Variants in LAMA3 observed in about 807,000 individuals in gnomAD.
LAMA3 encodes laminin subunit alpha-3.
A neutral mutation model predicts 402.0 loss-of-function variants in LAMA3; 281 were observed. That is an observed-to-expected ratio of 0.70 (90% CI 0.63 to 0.77). The LOEUF is 0.77. LAMA3 is among the 30% of genes least tolerant of loss of function. The probability of loss-of-function intolerance (pLI) is 0.00; values close to 1 mark genes in which losing one functional copy is unlikely to be tolerated. For synonymous variants in LAMA3, 1,431 were observed against 1,558.4 expected, an observed-to-expected ratio of 0.92 and a Z score of 1.93; for missense variants, 3,840 against 4,215.5, an observed-to-expected ratio of 0.91 and a Z score of 2.47.
chr18:23,952,948 G>A (rs1476324055), intron 73 of LAMA3, 42 bp from the exon 74 acceptor site: 2 of 1,612,882 alleles, frequency 1.2e-6, no homozygotes. Flanking sequence ...ATTAAGCAGG[G>A]CTCACCTCCG....
intron 2 of LAMA3, among the ~76,000 whole-genome samples, chr18:23,722,064 G>A (rs181358157): frequency 6.6e-6 from 1 of 152,288 alleles, no homozygotes; most frequent in Admixed American, 6.5e-5. Flanking sequence ...CTAGCCCTTA[G>A]ACTTTTTGCC....
intron 12 of LAMA3, among the ~76,000 whole-genome samples, chr18:23,784,715 C>T (rs775844784): frequency 3.9e-5 from 6 of 152,056 alleles, no homozygotes; most frequent in Admixed American, 6.5e-5. Context: ...GTGTCTGGTC[C>T]GGTCCCTAGA....
intron 27 of LAMA3, 134 bp from the exon 28 acceptor site, chr18:23,842,261 G>A (rs2063717765): frequency 9.3e-7 from 1 of 1,074,390 alleles, no homozygotes; most frequent in Non-Finnish European, 1.4e-6. Flanking sequence ...GGGTGAAGAT[G>A]GGTTGTCATT....
rs1024141630 is a variant in LAMA3 at position 23,810,289 on chromosome 18, C to A, written c.1604-77C>A. 6.4e-6 allele frequency: 10 copies of A among 1,559,418 alleles called. No homozygotes were observed. In the African/African-American group the frequency reaches 1.4e-4, roughly 21 times the overall value. On this transcript the variant is annotated intron_variant, in intron 12 of 74. Coordinates refer to ENST00000313654, the MANE Select transcript of LAMA3 (RefSeq NM_198129.4). ...GGGTCTTTCTGGCTCCACCCTCATG[C>A]TCTGCTCCGGGACGTGGTTCTTCCC...
intron 67 of LAMA3, 113 bp downstream of exon 67, chr18:23,934,048 G>T: frequency 2.0e-6 from 2 of 985,610 alleles, no homozygotes; most frequent in South Asian, 2.6e-5. Context: ...CATAAAGTGG[G>T]ATTGATGCAT....
Position 23,943,968 on chromosome 18 carries a change from C to T in LAMA3, c.9207C>T (p.His3069=), listed in dbSNP as rs767816297. The change falls in exon 69 of 75, where the codon CAC becomes CAT. Residue 3069 remains histidine, a synonymous_variant. Transcript: ENST00000313654. ...SKEKCNDGKW[H]TVVFGHDGEK... ...AGAAATGCAATGATGGGAAATGGCA[C>T]ACGGTAAGAGCTGGGGCTGTGTCAG... is the stretch of plus-strand genomic sequence containing the variant. 1.2e-5 allele frequency: 19 copies of T among 1,613,854 alleles called. No individual in the cohort carries two copies. Among genetic ancestry groups the T allele is most frequent in the East Asian group, 2.2e-5 (1 of 44,878 alleles).
At position 23,918,851 on chromosome 18, in the gene LAMA3, G is replaced by A. The variant is rs1568344207; in HGVS notation, c.7924-2084G>A. 6.6e-6 allele frequency among the ~76,000 whole-genome samples: 1 copy of A among 152,092 alleles called. No homozygotes were observed. Among genetic ancestry groups the A allele is most frequent in the East Asian group, 1.9e-4 (1 of 5,186 alleles). Reference sequence around the variant, plus strand: ...TACCGCAGGGTGGTGACACTGACCCGGTCCAACTCTCCTCTCTGGGGTTGG... The same window carrying A: ...TACCGCAGGGTGGTGACACTGACCCAGTCCAACTCTCCTCTCTGGGGTTGG... On this transcript the variant is annotated intron_variant, in intron 60 of 74. Coordinates refer to ENST00000313654, the MANE Select transcript of LAMA3 (RefSeq NM_198129.4). The surrounding 1 kb of genome is among the most constrained non-coding windows in gnomAD (Gnocchi z 4.1).
At chr18:23,790,671 T>G (rs1178449765) in intron 12 of LAMA3, among the ~76,000 whole-genome samples, 1 of 152,210 alleles carries the variant, frequency 6.6e-6, no homozygotes, top group Non-Finnish European at 1.5e-5. Context: ...TTTACTCTCA[T>G]TCAGCTAGAA....
chr18:23,755,838 C>A lies in LAMA3; in HGVS notation c.947+2026C>A, dbSNP rs559074679. 4.6e-5 allele frequency among the ~76,000 whole-genome samples: 7 copies of A among 152,298 alleles called. No homozygotes were observed. In the East Asian group the frequency reaches 9.6e-4, roughly 21 times the overall value. ...CAGAGTGGTCATCACGAAGGGAATT[C>A]TCTAATCAATGACATCTTTAAATAA... On this transcript the variant is annotated intron_variant, in intron 6 of 74. Coordinates refer to ENST00000313654, the MANE Select transcript of LAMA3 (RefSeq NM_198129.4).
At chr18:23,916,865 CTT>C (rs869070247) in intron 60 of LAMA3, among the ~76,000 whole-genome samples, 170 bp downstream of exon 60, 7 of 139,184 alleles carry the variant, frequency 5.0e-5, no homozygotes, top group Admixed American at 7.2e-5. Context: ...GGGAAATGTA[CTT>C]TTTTTTTTTT....
intron 27 of LAMA3, among the ~76,000 whole-genome samples, chr18:23,840,377 CTTTCTTTTTTTTT>C (rs2063672652): frequency 1.3e-5 from 1 of 79,514 alleles, no homozygotes; most frequent in Non-Finnish European, 2.3e-5. Flanking sequence ...AAGAACCTTT[CTTTCTTTTTTTTT>C]TTTTTTTTTT....
intron 12 of LAMA3, among the ~76,000 whole-genome samples, chr18:23,807,564 G>A (rs1201737473): frequency 1.3e-5 from 2 of 151,896 alleles, no homozygotes; most frequent in African/African-American, 4.8e-5. Context: ...GTAGGGGCTG[G>A]CAAGTCCAAA....
intron 1 of LAMA3, among the ~76,000 whole-genome samples, chr18:23,699,054 G>GAGAAAGA (rs921962524): frequency 1.5e-5 from 2 of 136,324 alleles, no homozygotes; most frequent in African/African-American, 5.2e-5. Flanking sequence ...GAGAGAGAGA[G>GAGAAAGA]AAAGAAAAGA....
At chr18:23,862,319 C>T (rs1034049446) in intron 35 of LAMA3, among the ~76,000 whole-genome samples, 4 of 152,178 alleles carry the variant, frequency 2.6e-5, no homozygotes, top group Non-Finnish European at 5.9e-5. Flanking sequence ...AAACCACTTG[C>T]TCTTCCTTTG....
intron 12 of LAMA3, among the ~76,000 whole-genome samples, chr18:23,790,015 A>G (rs1000197030): frequency 3.9e-5 from 6 of 152,210 alleles, no homozygotes; most frequent in African/African-American, 1.4e-4. Context: ...GTTAAAAGGA[A>G]TTGAAATCAC....
chr18:23,842,495 C>T lies in LAMA3; in HGVS notation c.3437C>T (p.Ser1146Leu), dbSNP rs766421324. The change falls in exon 28 of 75, where the codon TCG (serine) becomes TTG (leucine). Residue 1146 changes from serine (S) to leucine (L), a missense_variant. By Grantham distance (145) the Ser-to-Leu change is moderately radical. Transcript: ENST00000313654. ...CACCCGACGTTTCCCGCGCAGGTGT[C>T]GGTGGATGGCGGGTGGCCACGGGCA... ...AAHPTFPAQV[S>L]VDGGWPRAGS... 1.6e-5 allele frequency: 26 copies of T among 1,614,100 alleles called. No homozygotes were observed. The highest frequency in any genetic ancestry group is 1.6e-4 in the East Asian group (7 of 44,892).
At chr18:23,950,984 G>C (rs547672588) in intron 72 of LAMA3, among the ~76,000 whole-genome samples, 2 of 152,190 alleles carry the variant, frequency 1.3e-5, no homozygotes, top group Admixed American at 1.3e-4. Flanking sequence ...CTTCATAATA[G>C]CAGTGACATT....
intron 2 of LAMA3, among the ~76,000 whole-genome samples, chr18:23,734,333 C>T (rs2061438614): frequency 6.6e-6 from 1 of 152,232 alleles, no homozygotes; most frequent in Non-Finnish European, 1.5e-5. Flanking sequence ...TTCCTTCCCT[C>T]TGCCTCAGGG....
intron 1 of LAMA3, among the ~76,000 whole-genome samples, chr18:23,710,476 G>T (rs2060971220): frequency 6.6e-6 from 1 of 152,200 alleles, no homozygotes; most frequent in Non-Finnish European, 1.5e-5. Flanking sequence ...TAGGTAGCAT[G>T]TCCACGTCGA....
Sources: gnomAD v4.1 joint callset for allele counts (sites outside exome capture counted in the v4.1 genomes callset) on GRCh38, gnomAD v4.1.1 for gene constraint, Gnocchi (gnomAD v3.1) non-coding constraint, MANE v1.5 for transcripts, NCBI Gene and HGNC (gene_info 2026-07-23, HGNC 2026-07-21) for gene names.